CSMD2: variants seen among roughly 807,000 people sequenced by gnomAD.
CSMD2 encodes CUB and Sushi multiple domains 2.
In CSMD2, 130 loss-of-function variants were observed where a neutral mutation model predicts 398.5. The observed-to-expected ratio is 0.33, with a 90% CI of 0.28 to 0.38. The LOEUF (loss-of-function observed/expected upper bound fraction) is 0.38, where lower values mean the gene tolerates loss of function less well. CSMD2 is among the 10% of genes least tolerant of loss of function. CSMD2 has a pLI of 1.00. For synonymous variants in CSMD2, 1,828 were observed against 1,908.5 expected (o/e 0.96, Z 1.10); for missense variants, 3,829 against 4,764.9 (o/e 0.80, Z 5.78).
Position 33,782,294 on chromosome 1 carries a change from C to T in CSMD2, c.1663+6306G>A, listed in dbSNP as rs552253452. Reference sequence around the variant, plus strand: ...GGAGGCAGAGGTAATTCTGAAGCTTCAGGTAATGATGTAGGTTGGAAGAAG... The same window carrying T: ...GGAGGCAGAGGTAATTCTGAAGCTTTAGGTAATGATGTAGGTTGGAAGAAG... On this transcript the variant is annotated intron_variant, in intron 12 of 70. Coordinates refer to ENST00000373381, the MANE Select transcript of CSMD2 (RefSeq NM_001281956.2). Among the ~76,000 whole-genome samples, 21 of 152,166 alleles carry T rather than the reference C, an allele frequency of 1.4e-4. No individual in the cohort carries two copies. In the South Asian group the frequency reaches 2.9e-3, roughly 21 times the overall value.
intron 53 of CSMD2, among the ~76,000 whole-genome samples, chr1:33,563,573 C>G (rs115658137): frequency 0.028 from 4,271 of 152,192 alleles, 224 homozygotes; most frequent in African/African-American, 0.098. Flanking sequence ...CCTCACAACC[C>G]TATGAGGTAG....
intron 13 of CSMD2, among the ~76,000 whole-genome samples, chr1:33,745,912 G>C (rs961030695): frequency 1.3e-5 from 2 of 152,118 alleles, no homozygotes; most frequent in Admixed American, 1.3e-4. Flanking sequence ...AATGCTACGA[G>C]GTAGGTATTG....
At chr1:33,805,130 G>C (rs2124939229) in intron 10 of CSMD2, among the ~76,000 whole-genome samples, 1 of 152,316 alleles carries the variant, frequency 6.6e-6, no homozygotes, top group Non-Finnish European at 1.5e-5. Flanking sequence ...AGGCCTTCTG[G>C]GGGTGAATCT....
chr1:34,141,391 G>A (rs1639281328), intron 1 of CSMD2, among the ~76,000 whole-genome samples: 1 of 152,154 alleles, frequency 6.6e-6, no homozygotes, highest in Non-Finnish European at 1.5e-5. Flanking sequence ...TACATCCTAT[G>A]TTGGGTGGTT....
At chr1:33,896,394 C>T (rs1381321917) in intron 5 of CSMD2, among the ~76,000 whole-genome samples, 1 of 152,166 alleles carries the variant, frequency 6.6e-6, no homozygotes, top group Non-Finnish European at 1.5e-5. Context: ...AGCTTGAGGA[C>T]ATCACCTGGT....
intron 19 of CSMD2, among the ~76,000 whole-genome samples, chr1:33,723,571 C>T (rs1017673274): frequency 6.6e-6 from 1 of 152,188 alleles, no homozygotes; most frequent in Non-Finnish European, 1.5e-5. Context: ...TGAACTTGGA[C>T]TCCCAAAGGT....
intron 64 of CSMD2, among the ~76,000 whole-genome samples, chr1:33,527,857 T>G (rs1327182709): frequency 6.8e-6 from 1 of 147,802 alleles, no homozygotes; most frequent in East Asian, 2.0e-4. Flanking sequence ...AGGAGAATGG[T>G]GTGAACCTGG....
chr1:33,894,432 G>A (rs74069750), intron 5 of CSMD2, among the ~76,000 whole-genome samples: 3,647 of 152,232 alleles, frequency 0.024, 155 homozygotes, highest in African/African-American at 0.082. Context: ...GGGCTAGGGA[G>A]TTAATAACCC....
chr1:34,151,427 G>T (rs999820047), intron 1 of CSMD2, among the ~76,000 whole-genome samples: 2 of 152,166 alleles, frequency 1.3e-5, no homozygotes, highest in Non-Finnish European at 2.9e-5. Context: ...GGTCCTGGCT[G>T]GGGTGAGGGT....
intron 9 of CSMD2, chr1:33,814,369 C>T (rs1378014497): frequency 6.6e-6 from 1 of 152,234 alleles, no homozygotes; most frequent in African/African-American, 2.4e-5. Context: ...AAAATCCTAG[C>T]TATTGCCCAG....
chr1:33,524,783 C>G, intron 66 of CSMD2, 99 bp downstream of exon 66: 1 of 1,229,186 alleles, frequency 8.1e-7, no homozygotes, highest in Non-Finnish European at 1.1e-6. Context: ...CAAGTCTGAG[C>G]CTTGCATGAC....
At position 33,567,690 on chromosome 1, in the gene CSMD2, C is replaced by T. The variant is rs768382753; in HGVS notation, c.8283G>A (p.Val2761=). ...NGENYSYRGS[V]VYQCNAGFRL... Reference sequence around the variant, plus strand: ...GGAAGCCAGCATTGCATTGGTACACCACACTGCCCCGGTAGCTGTAGTTCT... The same window carrying T: ...GGAAGCCAGCATTGCATTGGTACACTACACTGCCCCGGTAGCTGTAGTTCT... The change falls in exon 53 of 71, where the codon GTG becomes GTA. Residue 2761 remains valine, a synonymous_variant. Transcript: ENST00000373381. 6 of 1,614,156 alleles carry T rather than the reference C, an allele frequency of 3.7e-6. No individual in the cohort carries two copies. Among genetic ancestry groups the T allele is most frequent in the South Asian group, 3.3e-5 (3 of 91,084 alleles).
At chr1:33,920,613 G>A (rs991957841) in intron 4 of CSMD2, among the ~76,000 whole-genome samples, 4 of 151,958 alleles carry the variant, frequency 2.6e-5, no homozygotes, top group African/African-American at 2.4e-5. Flanking sequence ...AGTGGCAGGG[G>A]AGGCAGGGCT....
intron 5 of CSMD2, among the ~76,000 whole-genome samples, chr1:33,886,408 G>A (rs1170100031): frequency 6.6e-6 from 1 of 152,210 alleles, no homozygotes; most frequent in Non-Finnish European, 1.5e-5. Flanking sequence ...AAGATACTTA[G>A]GAGGCAGAAC....
At chr1:34,080,974 G>T (rs985668555) in intron 2 of CSMD2, among the ~76,000 whole-genome samples, 1 of 140,690 alleles carries the variant, frequency 7.1e-6, no homozygotes. Flanking sequence ...AAGAAAGAAA[G>T]AAATGCACAG....
chr1:33,645,591 G>C (rs1374485588), intron 29 of CSMD2, among the ~76,000 whole-genome samples: 1 of 152,134 alleles, frequency 6.6e-6, no homozygotes, highest in East Asian at 1.9e-4. Context: ...AGAGATAATA[G>C]CGTAGAAGAC....
rs181060875 is a variant in CSMD2 at position 34,161,933 on chromosome 1, G to A, written c.187+2978C>T. 1.6e-3 allele frequency among the ~76,000 whole-genome samples: 243 copies of A among 152,222 alleles called. 2 individuals are homozygous for A. Among genetic ancestry groups the A allele is most frequent in the Non-Finnish European group, 2.9e-3 (196 of 67,994 alleles). ...CACGCCTGTAATCCCAGCACTTTGG[G>A]AGGGCAAGGTGGGCAGATCATGAGG... On this transcript the variant is annotated intron_variant, in intron 1 of 70. Coordinates refer to ENST00000373381, the MANE Select transcript of CSMD2 (RefSeq NM_001281956.2).
chr1:33,964,520 T>A lies in CSMD2; in HGVS notation c.518-28566A>T, dbSNP rs575678526. 3.3e-5 allele frequency among the ~76,000 whole-genome samples: 5 copies of A among 152,354 alleles called. No individual in the cohort carries two copies. The East Asian group carries it at 9.6e-4, about 29-fold the overall frequency. On this transcript the variant is annotated intron_variant, in intron 3 of 70. Transcript: ENST00000373381. ...GACAAGGGCAGAGGTTCTAGAAGCC[T>A]TAAGTTTTGTATATTCCAGGTTTCT...
intron 44 of CSMD2, chr1:33,591,831 T>C (rs897378562): frequency 6.5e-6 from 1 of 152,882 alleles, no homozygotes; most frequent in Non-Finnish European, 1.5e-5. Flanking sequence ...CTCACTATGT[T>C]GCCCAGGTTC....
Sources: gnomAD v4.1 joint callset for allele counts (sites outside exome capture counted in the v4.1 genomes callset) on GRCh38, gnomAD v4.1.1 for gene constraint, MANE v1.5 for transcripts, NCBI Gene and HGNC (gene_info 2026-07-23, HGNC 2026-07-21) for gene names.